Variants in CACNA1E observed in about 807,000 individuals in gnomAD.
CACNA1E encodes the protein voltage-dependent R-type calcium channel subunit alpha-1E.
CACNA1E carries 40 observed loss-of-function variants against 259.2 expected under a neutral mutation model. The ratio of observed to expected loss-of-function variants is 0.15; its 90% CI spans 0.12 to 0.20. The LOEUF is 0.20. CACNA1E is among the 10% of genes least tolerant of loss of function. The probability of loss-of-function intolerance (pLI) is 1.00; values close to 1 mark genes in which losing one functional copy is unlikely to be tolerated. For synonymous variants in CACNA1E, 1,104 were observed against 1,138.5 expected (o/e 0.97, Z 0.61); for missense variants, 1,874 against 3,040.1 (o/e 0.62, Z 9.02).
intron 32 of CACNA1E, among the ~76,000 whole-genome samples, chr1:181,761,807 C>T (rs1658603441): frequency 6.6e-6 from 1 of 152,276 alleles, no homozygotes; most frequent in South Asian, 2.1e-4. Flanking sequence ...ATGCATAGTC[C>T]ACCCTCTCCT....
At chr1:181,384,757 C>A (rs1273311038) in intron 1 of CACNA1E, among the ~76,000 whole-genome samples, 1 of 152,104 alleles carries the variant, frequency 6.6e-6, no homozygotes, top group South Asian at 2.1e-4. Context: ...CCATTCTGCC[C>A]TCTGATAGCA....
chr1:181,798,142 T>G lies in CACNA1E; in HGVS notation c.6400-150T>G. The G allele has an allele frequency of 3.1e-6, 2 of 638,994 alleles. No homozygotes were observed. The highest frequency in any genetic ancestry group is 2.7e-6 in the Non-Finnish European group (1 of 367,450). The allele number at this position is 638,994 out of a possible 1,614,324, so 39.6% of individuals were successfully genotyped here. A position where few individuals can be genotyped will look rare whatever the true frequency, so the allele number is the denominator to read the frequency against. On this transcript the variant is annotated intron_variant, in intron 47 of 47. Transcript: ENST00000367573. The surrounding 1 kb of genome is among the most constrained non-coding windows in gnomAD (Gnocchi z 4.2). ...TTGACTCCTTAATCTCTTCAATCCCTTTTTCCCTGAGTGGATGTGAATACT... is the reference window on the plus strand; with the variant it reads ...TTGACTCCTTAATCTCTTCAATCCCGTTTTCCCTGAGTGGATGTGAATACT...
intron 6 of CACNA1E, among the ~76,000 whole-genome samples, chr1:181,584,644 C>T (rs540354328): frequency 5.0e-4 from 76 of 152,322 alleles, no homozygotes; most frequent in Middle Eastern, 3.4e-3. Context: ...ACATCCATCT[C>T]GCAGTTGATG....
intron 7 of CACNA1E, among the ~76,000 whole-genome samples, chr1:181,656,244 A>G (rs932738023): frequency 6.6e-6 from 1 of 152,196 alleles, no homozygotes; most frequent in Non-Finnish European, 1.5e-5. Context: ...AGGCATTGTC[A>G]TCATAGGAGA....
intron 2 of CACNA1E, among the ~76,000 whole-genome samples, chr1:181,477,539 A>G (rs1315509025): frequency 6.6e-6 from 1 of 152,212 alleles, no homozygotes; most frequent in East Asian, 1.9e-4. Flanking sequence ...CAGCTCTCTC[A>G]GGTATCATGG....
chr1:181,482,873 A>T (rs1663410085), upstream of CACNA1E, among the ~76,000 whole-genome samples: 1 of 152,248 alleles, frequency 6.6e-6, no homozygotes, highest in African/African-American at 2.4e-5. Flanking sequence ...TCGCTGTTGC[A>T]TGCTGATCCG....
chr1:181,592,156 C>G (rs982024539), intron 6 of CACNA1E, among the ~76,000 whole-genome samples: 5 of 152,180 alleles, frequency 3.3e-5, no homozygotes, highest in Non-Finnish European at 5.9e-5. Context: ...TCCCCCAGAC[C>G]TAAATGTTAT....
intron 3 of CACNA1E, among the ~76,000 whole-genome samples, chr1:181,550,529 G>A (rs1423953645): frequency 1.3e-5 from 2 of 152,250 alleles, no homozygotes; most frequent in East Asian, 1.9e-4. Context: ...GAGGGCCTGG[G>A]ATGGAGGCTG....
In CACNA1E at chr1:181,781,421, G is replaced by A; in HGVS notation, c.5268-6G>A. 1 of 1,515,704 alleles carries A rather than the reference G, an allele frequency of 6.6e-7. No individual in the cohort carries two copies. Among genetic ancestry groups the A allele is most frequent in the East Asian group, 2.3e-5 (1 of 43,174 alleles). 93.9% of individuals were successfully genotyped at this position (1,515,704 alleles called of 1,614,324 possible). On this transcript the variant is annotated splice_polypyrimidine_tract_variant and splice_region_variant and intron_variant, in intron 38 of 47. Transcript: ENST00000367573. ...CCCATCCCAACTCACCACCCTCCAT[G>A]AGCAGTGGCCGCATCCATTACACTG...
chr1:181,463,244 G>A lies in CACNA1E; in HGVS notation c.435-20500G>A, dbSNP rs182003821. Among the ~76,000 whole-genome samples the A allele has an allele frequency of 4.9e-3, 751 of 152,252 alleles. 35 individuals are homozygous for A. In the South Asian group the frequency reaches 0.092, roughly 19 times the overall value. On this transcript the variant is annotated intron_variant, in intron 2 of 11. Coordinates refer to the CACNA1E transcript ENST00000524607. ...ACTATTAATAAAATAGAACAATTATGTGATATACTGTAATGAAAGCTATTC... is the reference window on the plus strand; with the variant it reads ...ACTATTAATAAAATAGAACAATTATATGATATACTGTAATGAAAGCTATTC...
intron 1 of CACNA1E, among the ~76,000 whole-genome samples, chr1:181,366,625 T>C (rs1032600824): frequency 6.6e-6 from 1 of 152,202 alleles, no homozygotes; most frequent in Non-Finnish European, 1.5e-5. Flanking sequence ...GGCACTTTAG[T>C]GGGCTACGTG....
At chr1:181,569,262 C>T (rs561160173) in intron 3 of CACNA1E, among the ~76,000 whole-genome samples, 1 of 152,276 alleles carries the variant, frequency 6.6e-6, no homozygotes, top group East Asian at 1.9e-4. Flanking sequence ...AGAAGTATCT[C>T]GATTGTAGAG....
At chr1:181,794,823 T>C in intron 45 of CACNA1E, 41 bp from the exon 46 acceptor site, 1 of 1,558,116 alleles carries the variant, frequency 6.4e-7, no homozygotes, top group Non-Finnish European at 8.7e-7. Flanking sequence ...TTTCAATCGT[T>C]AATCCATACC....
At chr1:181,785,548 GA>G (rs1660781040) in intron 42 of CACNA1E, 130 bp downstream of exon 42, 1 of 863,606 alleles carries the variant, frequency 1.2e-6, no homozygotes, top group Admixed American at 2.1e-5. Flanking sequence ...CGGGGCCCAA[GA>G]ACTTTCTAGT....
intron 3 of CACNA1E, among the ~76,000 whole-genome samples, chr1:181,530,552 G>A (rs1257015912): frequency 2.0e-5 from 3 of 152,086 alleles, no homozygotes; most frequent in Non-Finnish European, 4.4e-5. Flanking sequence ...CCTTATTGGT[G>A]GTATGACTGC....
At chr1:181,372,826 A>AT (rs200346297) in intron 1 of CACNA1E, among the ~76,000 whole-genome samples, 1,939 of 77,556 alleles carry the variant, frequency 0.025, 35 homozygotes, top group African/African-American at 0.063. Context: ...ATATATATAT[A>AT]TATTTTTTTT....
In CACNA1E at chr1:181,405,165, A is replaced by G. The variant is rs150823117; in HGVS notation, c.-14-7968A>G. 3.8e-3 allele frequency among the ~76,000 whole-genome samples: 572 copies of G among 152,370 alleles called. 1 individual carries two copies. The highest frequency in any genetic ancestry group is 0.013 in the African/African-American group (538 of 41,592). ...AGTACCAACGTACTCCCTTTAAAAG[A>G]CAATCACCTCCAAGAAAATCACTTC... On this transcript the variant is annotated intron_variant, in intron 1 of 11. Coordinates refer to the CACNA1E transcript ENST00000524607.
intron 2 of CACNA1E, among the ~76,000 whole-genome samples, chr1:181,476,679 C>T (rs1278949379): frequency 3.3e-5 from 5 of 152,190 alleles, no homozygotes; most frequent in Non-Finnish European, 7.3e-5. Flanking sequence ...AACCAATCGG[C>T]CTGAGCCCAC....
At chr1:181,434,401 T>C (rs1659934077) in intron 2 of CACNA1E, among the ~76,000 whole-genome samples, 1 of 152,014 alleles carries the variant, frequency 6.6e-6, no homozygotes, top group African/African-American at 2.4e-5. Context: ...CCAATTTTTT[T>C]TTTTTTTAAA....
Sources: allele counts gnomAD v4.1 joint callset (sites outside exome capture counted in the v4.1 genomes callset), GRCh38; gene constraint gnomAD v4.1.1; non-coding constraint Gnocchi (gnomAD v3.1); transcripts MANE v1.5; gene names NCBI Gene and HGNC (gene_info 2026-07-23, HGNC 2026-07-21).